Variants in ADGRL3 observed in about 807,000 individuals in gnomAD.
The protein encoded by ADGRL3 is adhesion G protein-coupled receptor L3.
In ADGRL3, 62 loss-of-function variants were observed where a neutral mutation model predicts 153.5. That is an observed-to-expected ratio of 0.40 (90% CI 0.33 to 0.50). The LOEUF (loss-of-function observed/expected upper bound fraction) is 0.50, where lower values mean the gene tolerates loss of function less well. Ranked by LOEUF, ADGRL3 falls within the 20% of genes least tolerant of loss-of-function variation. The probability of loss-of-function intolerance (pLI) is 0.47; values close to 1 mark genes in which losing one functional copy is unlikely to be tolerated. For synonymous variants in ADGRL3, 710 were observed against 672.5 expected (o/e 1.06, Z -0.86); for missense variants, 1,641 against 1,859.4 (o/e 0.88, Z 2.16).
chr4:61,547,446 A>G (rs2098719096), intron 4 of ADGRL3, among the ~76,000 whole-genome samples: 1 of 151,964 alleles, frequency 6.6e-6, no homozygotes, highest in Non-Finnish European at 1.5e-5. Flanking sequence ...AGTAGGCACC[A>G]ATGTTTGTTG....
chr4:61,753,264 C>G (rs373677580), intron 8 of ADGRL3, among the ~76,000 whole-genome samples: 1 of 148,526 alleles, frequency 6.7e-6, no homozygotes, highest in Non-Finnish European at 1.5e-5. Context: ...AAAAAGATAA[C>G]TGGTTAGAAC....
At chr4:61,824,269 CA>C (rs1452491121) in intron 9 of ADGRL3, among the ~76,000 whole-genome samples, 1 of 152,048 alleles carries the variant, frequency 6.6e-6, no homozygotes, top group Non-Finnish European at 1.5e-5. Flanking sequence ...TTCTTTAAAA[CA>C]TCTTTGTTCT....
chr4:61,773,106 A>G lies in ADGRL3; in HGVS notation c.1399+39552A>G, dbSNP rs181140134. ...GATCATACTGAACTGTTCTTCAGTA[A>G]AAGGTTACGGGGTAGAATAGGGAAG... is the stretch of plus-strand genomic sequence containing the variant. On this transcript the variant is annotated intron_variant, in intron 8 of 26. Coordinates refer to ENST00000683033, the MANE Select transcript of ADGRL3 (RefSeq NM_001387552.1). 2.0e-5 allele frequency among the ~76,000 whole-genome samples: 3 copies of G among 152,240 alleles called. No individual in the cohort carries two copies. The East Asian group carries it at 5.8e-4, about 29-fold the overall frequency.
intron 1 of ADGRL3, among the ~76,000 whole-genome samples, chr4:61,367,278 G>C (rs1395371175): frequency 6.7e-6 from 1 of 150,130 alleles, no homozygotes; most frequent in Non-Finnish European, 1.5e-5. Context: ...GGGTACATGT[G>C]CACATTGTGC....
intron 2 of ADGRL3, among the ~76,000 whole-genome samples, chr4:61,399,946 A>G (rs1245179817): frequency 2.0e-5 from 3 of 151,726 alleles, no homozygotes; most frequent in African/African-American, 7.2e-5. Flanking sequence ...ATTTGTACTC[A>G]GTTATAAGTA....
At chr4:62,035,888 A>G (rs973142403) in intron 23 of ADGRL3, among the ~76,000 whole-genome samples, 3 of 152,092 alleles carry the variant, frequency 2.0e-5, no homozygotes, top group Non-Finnish European at 4.4e-5. Context: ...AATGAAGGTA[A>G]TAGTTATTTT....
At chr4:61,976,767 T>C (rs549077811) in intron 17 of ADGRL3, among the ~76,000 whole-genome samples, 231 of 152,304 alleles carry the variant, frequency 1.5e-3, no homozygotes, top group Non-Finnish European at 2.8e-3. Flanking sequence ...GCCATGATTG[T>C]GAAGCCTGCA....
In ADGRL3 at chr4:61,777,688, C is replaced by T. The variant is rs529980668; in HGVS notation, c.1400-36121C>T. Among the ~76,000 whole-genome samples the T allele has an allele frequency of 4.6e-5, 7 of 152,124 alleles. No individual in the cohort carries two copies. The South Asian group carries it at 6.2e-4, about 14-fold the overall frequency. On this transcript the variant is annotated intron_variant, in intron 8 of 26. Transcript: ENST00000683033. The stretch of plus-strand genomic sequence containing the variant: ...CTCGTCATTAGGACACACAAATTCC[C>T]GGGAAAGTGCCAAAGTACTACTGTG...
chr4:61,366,312 C>T (rs1163912107), intron 1 of ADGRL3, among the ~76,000 whole-genome samples: 1 of 152,154 alleles, frequency 6.6e-6, no homozygotes, highest in Non-Finnish European at 1.5e-5. Context: ...GCTGCATAAA[C>T]ATCAATGTCT....
At chr4:61,742,956 CTTTCT>C (rs1471035022) in intron 8 of ADGRL3, among the ~76,000 whole-genome samples, 1 of 151,378 alleles carries the variant, frequency 6.6e-6, no homozygotes, top group African/African-American at 2.4e-5. Flanking sequence ...TTAGCCAGTG[CTTTCT>C]ATATAAAATG....
chr4:61,252,059 T>C (rs1035564816), intron 1 of ADGRL3, among the ~76,000 whole-genome samples: 2 of 151,954 alleles, frequency 1.3e-5, no homozygotes, highest in African/African-American at 4.8e-5. Context: ...AATTTTTGTA[T>C]TTTTAGTAGA....
chr4:62,003,701 C>T (rs2099148311), intron 21 of ADGRL3, among the ~76,000 whole-genome samples: 2 of 152,096 alleles, frequency 1.3e-5, no homozygotes, highest in South Asian at 2.1e-4. Flanking sequence ...TTTGCTCAGC[C>T]TCTATCAAAA....
chr4:61,734,365 G>A (rs537319361), intron 8 of ADGRL3, among the ~76,000 whole-genome samples: 18 of 152,124 alleles, frequency 1.2e-4, no homozygotes, highest in South Asian at 8.3e-4. Context: ...ACAAGACTGG[G>A]TAATTTATAA....
chr4:61,309,098 G>A (rs913807035), intron 1 of ADGRL3, among the ~76,000 whole-genome samples: 1 of 152,182 alleles, frequency 6.6e-6, no homozygotes, highest in Non-Finnish European at 1.5e-5. Context: ...TTTGAGTCAT[G>A]AAAATATAAA....
At chr4:61,615,576 T>TTG (rs138168643) in intron 5 of ADGRL3, among the ~76,000 whole-genome samples, 107,763 of 147,860 alleles carry the variant, frequency 0.73, 39,534 homozygotes, top group East Asian at 0.94. Flanking sequence ...GGTTGGAATA[T>TTG]TGTGTGTGTG....
At chr4:61,221,773 T>C (rs997569267) in intron 1 of ADGRL3, among the ~76,000 whole-genome samples, 2 of 152,162 alleles carry the variant, frequency 1.3e-5, no homozygotes, top group Non-Finnish European at 2.9e-5. Context: ...TGGATAATTT[T>C]GTGCAATTGT....
intron 6 of ADGRL3, among the ~76,000 whole-genome samples, chr4:61,677,917 T>C (rs921510115): frequency 1.3e-5 from 2 of 151,990 alleles, no homozygotes; most frequent in Non-Finnish European, 2.9e-5. Context: ...AGAGAAGAAT[T>C]GAAATTTTAA....
At chr4:61,625,857 TAGTA>T (rs749300331) in intron 5 of ADGRL3, among the ~76,000 whole-genome samples, 1 of 152,018 alleles carries the variant, frequency 6.6e-6, no homozygotes, top group Non-Finnish European at 1.5e-5. Flanking sequence ...TAATTTTGAG[TAGTA>T]AGTAAGTAAA....
intron 9 of ADGRL3, among the ~76,000 whole-genome samples, chr4:61,885,200 G>T: frequency 6.6e-6 from 1 of 151,862 alleles, no homozygotes; most frequent in East Asian, 2.0e-4. Flanking sequence ...CGCTTGGCGC[G>T]CGCCTGTAAT....
Sources: gnomAD v4.1 joint callset for allele counts (sites outside exome capture counted in the v4.1 genomes callset) on GRCh38, gnomAD v4.1.1 for gene constraint, MANE v1.5 for transcripts, NCBI Gene and HGNC (gene_info 2026-07-23, HGNC 2026-07-21) for gene names.